Variants in GRK2 observed in about 807,000 individuals in gnomAD.
GRK2 encodes the protein adrenergic beta receptor kinase 1.
In GRK2, 23 loss-of-function variants were observed where a neutral mutation model predicts 97.8. The observed-to-expected ratio is 0.24, with a 90% CI of 0.17 to 0.33. GRK2 has a LOEUF of 0.33. Among genes scored for constraint, GRK2 ranks in the 10% least tolerant of loss-of-function variants. The pLI, the probability that GRK2 is intolerant of heterozygous loss-of-function variation, is 1.00. For missense variants in GRK2, 633 were observed against 956.9 expected, an observed-to-expected ratio of 0.66 and a Z score of 4.47; for synonymous variants, 425 against 381.7, an observed-to-expected ratio of 1.11 and a Z score of -1.32.
chr11:67,275,583 C>T (rs1191933076), intron 1 of GRK2, among the ~76,000 whole-genome samples: 1 of 152,166 alleles, frequency 6.6e-6, no homozygotes, highest in Admixed American at 6.5e-5. Context: ...CCTCCTGAGT[C>T]CTGCTCTCCT....
intron 2 of GRK2, among the ~76,000 whole-genome samples, chr11:67,278,977 T>C (rs1860088928): frequency 6.6e-6 from 1 of 152,136 alleles, no homozygotes; most frequent in African/African-American, 2.4e-5. Context: ...GAAACAGATT[T>C]CAGGAAGAGG....
At position 67,285,662 on chromosome 11, in the gene GRK2, C is replaced by T; in HGVS notation, c.*212C>T. ...GCGCCCTCTGTCCTGACTTCAGGGGCTGCCCGCTCCCAGTGTCTTCCTGTG... is the reference window on the plus strand; with the variant it reads ...GCGCCCTCTGTCCTGACTTCAGGGGTTGCCCGCTCCCAGTGTCTTCCTGTG... On this transcript the variant is annotated 3_prime_UTR_variant, in exon 21 of 21. Coordinates refer to ENST00000308595, the MANE Select transcript of GRK2 (RefSeq NM_001619.5). The T allele has an allele frequency of 1.7e-6, 1 of 573,900 alleles. No homozygotes were observed. Among genetic ancestry groups the T allele is most frequent in the Non-Finnish European group, 3.0e-6 (1 of 336,706 alleles). 35.6% of individuals were successfully genotyped at this position (573,900 alleles called of 1,614,324 possible). A position where few individuals can be genotyped will look rare whatever the true frequency, so the allele number is the denominator to read the frequency against.
chr11:67,285,322 C>G lies in GRK2; in HGVS notation c.1942C>G (p.Arg648Gly). The G allele has an allele frequency of 6.2e-7, 1 of 1,609,788 alleles. No homozygotes were observed. Among genetic ancestry groups the G allele is most frequent in the Non-Finnish European group, 8.5e-7 (1 of 1,178,932 alleles). Residue 648 changes from arginine to glycine, a missense_variant, in exon 21 of 21, where the codon CGC (arginine) becomes GGC (glycine). By Grantham distance (125) the Arg-to-Gly change is moderately radical. Transcript: ENST00000308595. ...GCTGGTGCAGTGGAAGAAGGAGCTG[C>G]GCGACGCCTACCGCGAGGCCCAGCA... The part of the protein sequence containing the change: ...PELVQWKKEL[R>G]DAYREAQQLV...
chr11:67,280,377 G>A (rs549967697), intron 6 of GRK2: 1 of 418,414 alleles, frequency 2.4e-6, no homozygotes, highest in Non-Finnish European at 4.4e-6. Context: ...GCCATGGAGT[G>A]AGCTCTGTGT....
Position 67,266,758 on chromosome 11 carries a change from G to A in GRK2, c.59G>A (p.Ser20Asn). ...DVSYLMAMEK[S>N]KATPAARASK... is the part of the protein sequence containing the mutation. Reference sequence around the variant, plus strand: ...AGCTACCTGATGGCCATGGAGAAGAGCAAGGCCACGCCGGCCGCGCGCGCC... The same window carrying A: ...AGCTACCTGATGGCCATGGAGAAGAACAAGGCCACGCCGGCCGCGCGCGCC... The change falls in exon 1 of 21, where the codon AGC (serine) becomes AAC (asparagine). Residue 20 changes from serine (S) to asparagine (N), a missense_variant. Ser to Asn is a conservative substitution (Grantham distance 46). Around this residue, in one of 4 missense-constraint regions of GRK2, gnomAD observed 193 missense variants for 212.2 expected, o/e 0.91. Coordinates refer to ENST00000308595, the MANE Select transcript of GRK2 (RefSeq NM_001619.5). The A allele has an allele frequency of 7.2e-7, 1 of 1,381,068 alleles. No individual in the cohort carries two copies. 85.6% of individuals were successfully genotyped at this position (1,381,068 alleles called of 1,614,324 possible). A position where few individuals can be genotyped will look rare whatever the true frequency, so the allele number is the denominator to read the frequency against.
In GRK2 at chr11:67,279,847, C is replaced by A; in HGVS notation, c.450C>A (p.Ile150=). The A allele has an allele frequency of 3.1e-6, 5 of 1,613,976 alleles. No homozygotes were observed. The highest frequency in any genetic ancestry group is 4.2e-6 in the Non-Finnish European group (5 of 1,179,990). Residue 150 remains isoleucine, a synonymous_variant, in exon 6 of 21, where the codon ATC becomes ATA. Transcript: ENST00000308595. Reference sequence around the variant, plus strand: ...CCAGCTTCCTCCCTTAGCCATACATCGAAGAGATTTGTCAAAACCTCCGAG... The same window carrying A: ...CCAGCTTCCTCCCTTAGCCATACATAGAAGAGATTTGTCAAAACCTCCGAG... The part of the protein sequence containing the change: ...QVPPDLFQPY[I]EEICQNLRGD...
At position 67,281,375 on chromosome 11, in the gene GRK2, T is replaced by C; in HGVS notation, c.648-84T>C. On this transcript the variant is annotated intron_variant, in intron 8 of 20. Transcript: ENST00000308595. This position sits in a 1 kb window ranked among gnomAD's most constrained non-coding sequence, Gnocchi z 5.7. ...TTGTGTCACACGCTGGTCCTGGGTC[T>C]AGTCTTTCCCTCAAGCGCCCCCTGA... 1 of 1,326,698 alleles carries C rather than the reference T, an allele frequency of 7.5e-7. No individual in the cohort carries two copies. Among genetic ancestry groups the C allele is most frequent in the Non-Finnish European group, 1.1e-6 (1 of 930,208 alleles). 82.2% of individuals were successfully genotyped at this position (1,326,698 alleles called of 1,614,324 possible). A position where few individuals can be genotyped will look rare whatever the true frequency, so the allele number is the denominator to read the frequency against.
intron 1 of GRK2, among the ~76,000 whole-genome samples, chr11:67,270,399 C>T (rs995142100): frequency 6.6e-5 from 10 of 152,112 alleles, no homozygotes; most frequent in African/African-American, 2.2e-4. Context: ...CCTCCCCCAC[C>T]GAGAGTTTCC....
At chr11:67,266,861 G>C in intron 1 of GRK2, 49 bp downstream of exon 1, 1 of 987,468 alleles carries the variant, frequency 1.0e-6, no homozygotes, top group Non-Finnish European at 1.3e-6. Flanking sequence ...GGGCGCCCCG[G>C]CCGCGGCCCC....
Position 67,269,539 on chromosome 11 carries a change from G to A in GRK2, c.113+2727G>A, listed in dbSNP as rs1028026150. Among the ~76,000 whole-genome samples the A allele has an allele frequency of 8.5e-5, 13 of 152,178 alleles. No homozygotes were observed. The highest frequency in any genetic ancestry group is 1.3e-4 in the Non-Finnish European group (9 of 68,038). ...CTGGCACCCCTTGTCTGGGGCCATC[G>A]GCTGTCACAGTTCACAAGGCTCAGC... On this transcript the variant is annotated intron_variant, in intron 1 of 20. Transcript: ENST00000308595. This position sits in a 1 kb window ranked among gnomAD's most constrained non-coding sequence, Gnocchi z 4.1.
chr11:67,283,339 CATA>C (rs1860196414), intron 15 of GRK2, 111 bp downstream of exon 15: 2 of 996,300 alleles, frequency 2.0e-6, no homozygotes, highest in Non-Finnish European at 3.1e-6. Flanking sequence ...TGGAGGAGCT[CATA>C]AGTTGGGGCA....
Position 67,281,225 on chromosome 11 carries a change from C to G in GRK2, c.647+41C>G, listed in dbSNP as rs372972793. On this transcript the variant is annotated intron_variant, in intron 8 of 20. Coordinates refer to ENST00000308595, the MANE Select transcript of GRK2 (RefSeq NM_001619.5). The surrounding 1 kb of genome is among the most constrained non-coding windows in gnomAD (Gnocchi z 5.7). Reference sequence around the variant, plus strand: ...GGCGCGGTGGGATACCTCGGGGAGCCGGGCTCCTGGGGGACCCTGACAGGC... The same window carrying G: ...GGCGCGGTGGGATACCTCGGGGAGCGGGGCTCCTGGGGGACCCTGACAGGC... The G allele has an allele frequency of 6.4e-7, 1 of 1,563,410 alleles. No individual in the cohort carries two copies.
chr11:67,279,533 G>C lies in GRK2; in HGVS notation c.366+14G>C, dbSNP rs758095092. ...GCCTGCTCGCATGTGAGTGTCCTCA[G>C]CTGGCCCTGTGTGCTGGCCCAGAGT... On this transcript the variant is annotated intron_variant, in intron 4 of 20. Transcript: ENST00000308595. 1.3e-5 allele frequency: 21 copies of C among 1,612,860 alleles called. No homozygotes were observed. Among genetic ancestry groups the C allele is most frequent in the African/African-American group, 2.7e-5 (2 of 74,954 alleles).
rs955028575 is a variant in GRK2 at position 67,280,672 on chromosome 11, C to T, written c.504-60C>T. On this transcript the variant is annotated intron_variant, in intron 6 of 20. Coordinates refer to ENST00000308595, the MANE Select transcript of GRK2 (RefSeq NM_001619.5). The stretch of plus-strand genomic sequence containing the variant: ...AGTGGCGGCTGGGTGGGGAGGCTCA[C>T]GACAGCATCATCCTTCCCACATTCT... 2.3e-4 allele frequency: 373 copies of T among 1,599,280 alleles called. 1 individual carries two copies. The highest frequency in any genetic ancestry group is 2.8e-4 in the Non-Finnish European group (330 of 1,167,550).
In GRK2 at chr11:67,285,274, TG is replaced by T; in HGVS notation, c.1906-10del. 6.2e-7 allele frequency: 1 copy of T among 1,608,836 alleles called. No individual in the cohort carries two copies. ...GAGCCCCAGCTGACAGAGCTGGGCT[TG>T]GCATGTGCAGAGCGACCCTGAGCTG... is the stretch of plus-strand genomic sequence containing the variant. On this transcript the variant is annotated splice_polypyrimidine_tract_variant and intron_variant, in intron 20 of 20. Transcript: ENST00000308595.
Position 67,279,331 on chromosome 11 carries a change from G to A in GRK2, c.264+58G>A, listed in dbSNP as rs965946302. On this transcript the variant is annotated intron_variant, in intron 3 of 20. Coordinates refer to ENST00000308595, the MANE Select transcript of GRK2 (RefSeq NM_001619.5). ...TGGAGAAAGGGGAGGAGGTTGGGGC[G>A]GCTTTGTGGAACCCACAAGCTGCCT... The A allele has an allele frequency of 8.7e-6, 14 of 1,608,126 alleles. No homozygotes were observed. In the East Asian group the frequency reaches 1.3e-4, roughly 15 times the overall value.
Position 67,282,745 on chromosome 11 carries a change from T to C in GRK2, c.1161-7T>C, listed in dbSNP as rs370741620. 5 of 1,611,470 alleles carry C rather than the reference T, an allele frequency of 3.1e-6. No individual in the cohort carries two copies. Among genetic ancestry groups the C allele is most frequent in the Non-Finnish European group, 4.2e-6 (5 of 1,179,662 alleles). On this transcript the variant is annotated splice_polypyrimidine_tract_variant and splice_region_variant and intron_variant, in intron 13 of 20. Coordinates refer to ENST00000308595, the MANE Select transcript of GRK2 (RefSeq NM_001619.5). This position sits in a 1 kb window ranked among gnomAD's most constrained non-coding sequence, Gnocchi z 6.9. ...TTTGACATTGGTTTTTGGCCTTTCTTGCCCAGGCACAGCCCCTTCCGGCAG... is the reference window on the plus strand; with the variant it reads ...TTTGACATTGGTTTTTGGCCTTTCTCGCCCAGGCACAGCCCCTTCCGGCAG...
intron 1 of GRK2, among the ~76,000 whole-genome samples, chr11:67,272,898 C>T (rs372531055): frequency 3.3e-5 from 5 of 152,260 alleles, no homozygotes; most frequent in South Asian, 2.1e-4. Flanking sequence ...TCCGAGGACA[C>T]GGCAAATGTG....
chr11:67,279,754 C>T (rs1860110256), intron 5 of GRK2, 54 bp downstream of exon 5: 1 of 1,612,330 alleles, frequency 6.2e-7, no homozygotes, highest in Non-Finnish European at 8.5e-7. Context: ...AGCCCCTGGT[C>T]AACAAGCCTG....
Sources: allele counts gnomAD v4.1 joint callset (sites outside exome capture counted in the v4.1 genomes callset), GRCh38; gene constraint gnomAD v4.1.1; regional missense constraint gnomAD v4.1.1; non-coding constraint Gnocchi (gnomAD v3.1); transcripts MANE v1.5; gene names NCBI Gene and HGNC (gene_info 2026-07-23, HGNC 2026-07-21).